The following CSMD2 variants were observed in gnomAD, a reference collection of about 807,000 sequenced individuals.
CSMD2 encodes CUB and sushi domain-containing protein 2.
A neutral mutation model predicts 398.5 loss-of-function variants in CSMD2; 130 were observed. The observed-to-expected ratio is 0.33, with a 90% CI of 0.28 to 0.38. The LOEUF (loss-of-function observed/expected upper bound fraction) is 0.38. Ranked by LOEUF, CSMD2 falls within the 10% of genes least tolerant of loss-of-function variation. CSMD2 has a pLI of 1.00. For synonymous variants in CSMD2, 1,828 were observed against 1,908.5 expected, an observed-to-expected ratio of 0.96 and a Z score of 1.10; for missense variants, 3,829 against 4,764.9, an observed-to-expected ratio of 0.80 and a Z score of 5.78.
At chr1:33,991,873 A>T (rs1213770908) in intron 3 of CSMD2, among the ~76,000 whole-genome samples, 10 of 124,640 alleles carry the variant, frequency 8.0e-5, no homozygotes, top group African/African-American at 2.0e-4. Flanking sequence ...CCAAGTCAAT[A>T]AAAAAAAAGC....
chr1:34,055,167 A>G (rs891018685), intron 2 of CSMD2, among the ~76,000 whole-genome samples: 1 of 152,122 alleles, frequency 6.6e-6, no homozygotes, highest in Non-Finnish European at 1.5e-5. Context: ...ACAATAAACA[A>G]GCAAATAGCC....
chr1:33,688,786 A>G (rs1355702240), intron 25 of CSMD2, among the ~76,000 whole-genome samples: 2 of 152,242 alleles, frequency 1.3e-5, no homozygotes, highest in African/African-American at 4.8e-5. Context: ...ACTGTATTCC[A>G]GTCTGGGCAA....
At chr1:33,894,513 G>T (rs1267151904) in intron 5 of CSMD2, among the ~76,000 whole-genome samples, 1 of 152,038 alleles carries the variant, frequency 6.6e-6, no homozygotes, top group Non-Finnish European at 1.5e-5. Flanking sequence ...TCATTCCTTG[G>T]GTGGGATAAT....
intron 2 of CSMD2, among the ~76,000 whole-genome samples, chr1:34,047,112 C>A (rs778043194): frequency 6.6e-6 from 1 of 152,128 alleles, no homozygotes; most frequent in Non-Finnish European, 1.5e-5. Context: ...CCAAAGTCTT[C>A]ATAATGGTCT....
intron 13 of CSMD2, 37 bp downstream of exon 13, chr1:33,772,532 T>C: frequency 6.3e-7 from 1 of 1,587,866 alleles, no homozygotes. Context: ...TGCCTCTCAG[T>C]GAAGACCCTG....
At chr1:33,929,741 C>T (rs1246585764) in intron 4 of CSMD2, among the ~76,000 whole-genome samples, 1 of 152,162 alleles carries the variant, frequency 6.6e-6, no homozygotes, top group East Asian at 1.9e-4. Context: ...CCACCCACCC[C>T]TCACTCTACT....
intron 42 of CSMD2, among the ~76,000 whole-genome samples, chr1:33,603,374 T>C (rs1433406179): frequency 6.6e-6 from 1 of 152,196 alleles, no homozygotes; most frequent in Non-Finnish European, 1.5e-5. Context: ...TAGATGGGGA[T>C]GGTGGACAAA....
chr1:33,882,293 TG>T (rs1641290171), intron 5 of CSMD2: 1 of 152,044 alleles, frequency 6.6e-6, no homozygotes, highest in Admixed American at 6.6e-5. Context: ...GGGAGTGGGG[TG>T]GCCAGAGGTA....
In CSMD2 at chr1:33,820,564, GCAAAAA is replaced by G; in HGVS notation, c.1112-14_1112-9del. 3 of 479,418 alleles carry G rather than the reference GCAAAAA, an allele frequency of 6.3e-6. No individual in the cohort carries two copies. The highest frequency in any genetic ancestry group is 5.0e-5 in the South Asian group (1 of 20,098). 29.7% of individuals were successfully genotyped at this position (479,418 alleles called of 1,614,324 possible). ...ACACACCAACCTGAGTTACTACAAG[GCAAAAA>G]AAAAAAAAAAAAAAAAAACAGCACA... On this transcript the variant is annotated splice_polypyrimidine_tract_variant and intron_variant, in intron 7 of 70. Transcript: ENST00000373381.
intron 15 of CSMD2, among the ~76,000 whole-genome samples, chr1:33,733,395 T>C (rs1324793997): frequency 6.6e-6 from 1 of 152,228 alleles, no homozygotes; most frequent in East Asian, 1.9e-4. Flanking sequence ...TATCTGGATT[T>C]GAACCTTGAC....
chr1:34,070,632 C>T (rs906487236), intron 2 of CSMD2, among the ~76,000 whole-genome samples: 1 of 152,210 alleles, frequency 6.6e-6, no homozygotes, highest in African/African-American at 2.4e-5. Context: ...ATGGGTGGAG[C>T]TTTGCGGTAG....
At chr1:33,723,965 C>G (rs978469276) in intron 19 of CSMD2, among the ~76,000 whole-genome samples, 24 of 152,190 alleles carry the variant, frequency 1.6e-4, no homozygotes, top group African/African-American at 5.8e-4. Context: ...CTGGTAACCT[C>G]TAAGAGCTCT....
rs147139389 is a variant in CSMD2 at position 33,794,226 on chromosome 1, G to C, written c.1447-1700C>G. Among the ~76,000 whole-genome samples, 619 of 152,280 alleles carry C rather than the reference G, an allele frequency of 4.1e-3. 10 individuals carry two copies. The highest frequency in any genetic ancestry group is 0.012 in the African/African-American group (509 of 41,554). On this transcript the variant is annotated intron_variant, in intron 10 of 70. Transcript: ENST00000373381. ...GACACTGCCCTCATTCATAAGCCTG[G>C]GTAGTGTCTATGCAGGGCCCCTCTG...
intron 5 of CSMD2, among the ~76,000 whole-genome samples, chr1:33,903,969 G>C (rs1337285957): frequency 6.6e-6 from 1 of 152,194 alleles, no homozygotes; most frequent in East Asian, 1.9e-4. Flanking sequence ...GCCCGAGCAG[G>C]GAACCTGCTT....
intron 5 of CSMD2, among the ~76,000 whole-genome samples, chr1:33,853,771 G>T (rs888944805): frequency 1.3e-5 from 2 of 152,140 alleles, no homozygotes; most frequent in Non-Finnish European, 2.9e-5. Flanking sequence ...GGGGAGGCAG[G>T]GTGGGTTAAG....
At chr1:33,667,766 G>T (rs939522759) in intron 25 of CSMD2, among the ~76,000 whole-genome samples, 3 of 152,328 alleles carry the variant, frequency 2.0e-5, no homozygotes, top group African/African-American at 7.2e-5. Context: ...AGAAGGCGGG[G>T]TTCTCTGTGT....
At position 33,761,599 on chromosome 1, in the gene CSMD2, G is replaced by C. The variant is rs72879508; in HGVS notation, c.1846+10970C>G. 7.1e-3 allele frequency among the ~76,000 whole-genome samples: 1,076 copies of C among 152,154 alleles called. 11 individuals are homozygous for C. Among genetic ancestry groups the C allele is most frequent in the African/African-American group, 0.025 (1,026 of 41,490 alleles). On this transcript the variant is annotated intron_variant, in intron 13 of 70. Coordinates refer to ENST00000373381, the MANE Select transcript of CSMD2 (RefSeq NM_001281956.2). ...TCAGGACTGTAGGCCCAGGTCCCTG[G>C]GTCTTTGAGGCACTCAGGGCCTGTC... is the stretch of plus-strand genomic sequence containing the variant.
chr1:33,695,808 C>A (rs1292677600), intron 24 of CSMD2, among the ~76,000 whole-genome samples: 1 of 152,228 alleles, frequency 6.6e-6, no homozygotes, highest in African/African-American at 2.4e-5. Flanking sequence ...TTGGTCTAGG[C>A]TGATGAAGTC....
chr1:33,516,832 C>T (rs1270403381), intron 70 of CSMD2, among the ~76,000 whole-genome samples: 3 of 151,902 alleles, frequency 2.0e-5, no homozygotes, highest in African/African-American at 4.8e-5. Context: ...CCTGGAGGCC[C>T]AGTGCTTGGG....
Sources: gnomAD v4.1 joint callset for allele counts (sites outside exome capture counted in the v4.1 genomes callset) on GRCh38, gnomAD v4.1.1 for gene constraint, MANE v1.5 for transcripts, NCBI Gene and HGNC (gene_info 2026-07-23, HGNC 2026-07-21) for gene names.